Variants in FIBP observed in about 807,000 individuals in gnomAD.
FIBP encodes the protein FGF1 intracellular binding protein, also known as acidic fibroblast growth factor intracellular-binding protein.
In FIBP, 29 loss-of-function variants were observed where a neutral mutation model predicts 40.5. That is an observed-to-expected ratio of 0.72 (90% CI 0.53 to 0.98). The LOEUF (loss-of-function observed/expected upper bound fraction) is 0.98, where lower values mean the gene tolerates loss of function less well. Ranked by LOEUF, FIBP falls within the 50% of genes least tolerant of loss-of-function variation. The pLI is 0.00. For missense variants in FIBP, 411 were observed against 470.2 expected, an observed-to-expected ratio of 0.87 and a Z score of 1.16; for synonymous variants, 215 against 191.1, an observed-to-expected ratio of 1.13 and a Z score of -1.03.
At position 65,885,150 on chromosome 11, in the gene FIBP, TTGTCTAAGTCCA is replaced by T. The variant is rs761102835; in HGVS notation, c.671_682del (p.Met224_Asp227del). ...CTCCTTCAAGTCCTGGAGAAATTCCTTGTCTAAGTCCATGTCCATGTCATCCATCTGTGAGTC... is the reference window on the plus strand; with the variant it reads ...CTCCTTCAAGTCCTGGAGAAATTCCTTGTCCATGTCATCCATCTGTGAGTC... On this transcript the variant is annotated inframe_deletion, in exon 6 of 10. Coordinates refer to ENST00000357519, the MANE Select transcript of FIBP (RefSeq NM_004214.5). 2 of 1,613,424 alleles carry T rather than the reference TTGTCTAAGTCCA, an allele frequency of 1.2e-6. No homozygotes were observed. Among genetic ancestry groups the T allele is most frequent in the African/African-American group, 2.7e-5 (2 of 74,676 alleles).
chr11:65,885,281 G>C, intron 5 of FIBP, 95 bp from the exon 6 acceptor site: 2 of 1,081,696 alleles, frequency 1.8e-6, no homozygotes, highest in South Asian at 1.3e-5. Context: ...TCCCCCCTGG[G>C]GACAAAAGAG....
At chr11:65,884,305 G>T in intron 9 of FIBP, 87 bp downstream of exon 9, 3 of 1,237,698 alleles carry the variant, frequency 2.4e-6, no homozygotes, top group Non-Finnish European at 3.5e-6. Context: ...TAGCAGAATG[G>T]GGAACCTTGA....
rs533852487 is a variant in FIBP, at chr11:65,887,896, G to A, written c.284+38C>T. On this transcript the variant is annotated intron_variant, in intron 2 of 9. Coordinates refer to ENST00000357519, the MANE Select transcript of FIBP (RefSeq NM_004214.5). ...AGCCGGCAAAATGGGTATACAGTCA[G>A]ACTGGTTGATGTCTCCACCATCCCA... The A allele has an allele frequency of 4.4e-6, 7 of 1,603,732 alleles. No individual in the cohort carries two copies. In the East Asian group the frequency reaches 1.3e-4, roughly 31 times the overall value.
chr11:65,885,623 C>G lies in FIBP; in HGVS notation c.553G>C (p.Glu185Gln). 1 of 1,614,148 alleles carries G rather than the reference C, an allele frequency of 6.2e-7. No homozygotes were observed. Among genetic ancestry groups the G allele is most frequent in the Non-Finnish European group, 8.5e-7 (1 of 1,180,010 alleles). The change falls in exon 5 of 10, where the codon GAG becomes CAG. Residue 185 changes from glutamate to glutamine, a missense_variant. Glu to Gln is a conservative substitution (Grantham distance 29). Coordinates refer to ENST00000357519, the MANE Select transcript of FIBP (RefSeq NM_004214.5). ...AIVFFANNRF[E>Q]TGKKKLQYLS... Reference sequence around the variant, plus strand: ...TACTGCAGTTTTTTCTTCCCTGTCTCAAAGCGGTTGTTAGCAAAGAAGACG... The same window carrying G: ...TACTGCAGTTTTTTCTTCCCTGTCTGAAAGCGGTTGTTAGCAAAGAAGACG...
intron 4 of FIBP, 134 bp from the exon 5 acceptor site, chr11:65,885,797 T>A: frequency 2.3e-6 from 2 of 877,714 alleles, no homozygotes; most frequent in East Asian, 2.4e-5. Flanking sequence ...GTGTCTCAAG[T>A]CACTTCTCTA....
At position 65,885,178 on chromosome 11, in the gene FIBP, T is replaced by A; in HGVS notation, c.655A>T (p.Met219Leu). ...NWTLGAVDSQ[M>L]DDMDMDLDKE... ...TCTAAGTCCATGTCCATGTCATCCA[T>A]CTGTGAGTCTGTGAGGCCATGAAGG... The change falls in exon 6 of 10, where the codon ATG becomes TTG. Residue 219 changes from methionine (M) to leucine (L), a missense_variant. Coordinates refer to ENST00000357519, the MANE Select transcript of FIBP (RefSeq NM_004214.5). The A allele has an allele frequency of 6.3e-7, 1 of 1,589,418 alleles. No individual in the cohort carries two copies. Among genetic ancestry groups the A allele is most frequent in the Non-Finnish European group, 8.6e-7 (1 of 1,160,886 alleles).
intron 3 of FIBP, 55 bp downstream of exon 3, chr11:65,887,545 A>C: frequency 6.2e-7 from 1 of 1,602,658 alleles, no homozygotes; most frequent in Non-Finnish European, 8.5e-7. Context: ...CAGTGGCCAA[A>C]GGGAGGGAGT....
At position 65,887,943 on chromosome 11, in the gene FIBP, A is replaced by C; in HGVS notation, c.275T>G (p.Leu92Arg). Residue 92 changes from leucine to arginine, a missense_variant, in exon 2 of 10, where the codon CTC becomes CGC. Transcript: ENST00000357519. ...FQIPPSRQALLIERYYAFDEA... is the reference protein window; with the variant it reads ...FQIPPSRQALRIERYYAFDEA... ...CCCAGAGGGTGAGCACCTCTCGATG[A>C]GTAGTGCCTGCCGGGAGGGCGGAAT... 1 of 1,613,556 alleles carries C rather than the reference A, an allele frequency of 6.2e-7. No individual in the cohort carries two copies. The highest frequency in any genetic ancestry group is 8.5e-7 in the Non-Finnish European group (1 of 1,179,776).
rs762334947 is a variant in FIBP at position 65,884,920 on chromosome 11, G to A, written c.819+15C>T. 1 of 1,613,984 alleles carries A rather than the reference G, an allele frequency of 6.2e-7. No homozygotes were observed. The highest frequency in any genetic ancestry group is 8.5e-7 in the Non-Finnish European group (1 of 1,179,828). On this transcript the variant is annotated intron_variant, in intron 7 of 9. Transcript: ENST00000357519. ...TGAAGATGCCAAGGGTCAGAGGCTG[G>A]ATGGGACCACAGACCTTGAAGTTGG... is the stretch of plus-strand genomic sequence containing the variant.
At position 65,888,215 on chromosome 11, in the gene FIBP, C is replaced by T. The variant is rs1262136955; in HGVS notation, c.86-83G>A. 2.0e-5 allele frequency: 29 copies of T among 1,471,712 alleles called. No individual in the cohort carries two copies. The Middle Eastern group carries it at 5.1e-4, about 26-fold the overall frequency. The allele number at this position is 1,471,712 out of a possible 1,614,324, so 91.2% of individuals were successfully genotyped here. A position where few individuals can be genotyped will look rare whatever the true frequency, so the allele number is the denominator to read the frequency against. On this transcript the variant is annotated intron_variant, in intron 1 of 9. Transcript: ENST00000357519. ...GTTTCCATCCCAGACCCCTATAACA[C>T]CTCTTATTCCCAGGCGCTCGCCCAC... is the stretch of plus-strand genomic sequence containing the variant.
chr11:65,886,091 A>G (rs1398506607), intron 4 of FIBP: 2 of 493,888 alleles, frequency 4.0e-6, no homozygotes, highest in Non-Finnish European at 7.3e-6. Context: ...TGCTTGAACC[A>G]GGAGGCAGAG....
chr11:65,886,168 T>C lies in FIBP; in HGVS notation c.512+154A>G, dbSNP rs570871497. The C allele has an allele frequency of 9.3e-5, 44 of 471,070 alleles. 1 individual carries two copies. The highest frequency in any genetic ancestry group is 9.3e-4 in the South Asian group (35 of 37,660). 29.2% of individuals were successfully genotyped at this position (471,070 alleles called of 1,614,324 possible). ...GCAACAAGAGTGAAACTCCGTCTCA[T>C]TAAAAAAAAAAAAAAAAAAAAAGTA... On this transcript the variant is annotated intron_variant, in intron 4 of 9. Coordinates refer to ENST00000357519, the MANE Select transcript of FIBP (RefSeq NM_004214.5).
In FIBP at chr11:65,883,937, CTTTA is replaced by C. The variant is rs758300809; in HGVS notation, c.*33_*36del. The C allele has an allele frequency of 5.0e-6, 8 of 1,602,044 alleles. No homozygotes were observed. The highest frequency in any genetic ancestry group is 6.8e-6 in the Non-Finnish European group (8 of 1,170,674). On this transcript the variant is annotated 3_prime_UTR_variant, in exon 10 of 10. Transcript: ENST00000357519. ...GGACCAGTCTCCAAACTCAGAGCAACTTTATTGTCAGCGTGGGCGGAGCGTTGGG... is the reference window on the plus strand; with the variant it reads ...GGACCAGTCTCCAAACTCAGAGCAACTTGTCAGCGTGGGCGGAGCGTTGGG...
chr11:65,884,390 A>G lies in FIBP; in HGVS notation c.1004+2T>C. The G allele has an allele frequency of 6.2e-7, 1 of 1,613,386 alleles. No individual in the cohort carries two copies. Among genetic ancestry groups the G allele is most frequent in the African/African-American group, 1.3e-5 (1 of 75,022 alleles). ...GCTGGACAGGAGGACAGGGCTGCTC[A>G]CCGGAAGCCATCGAGGGAGTGGACA... On this transcript the variant is annotated splice_donor_variant, in intron 9 of 9. Coordinates refer to ENST00000357519, the MANE Select transcript of FIBP (RefSeq NM_004214.5). LOFTEE classifies it high-confidence loss of function.
At chr11:65,886,445 G>T in intron 3 of FIBP, 23 bp from the exon 4 acceptor site, 2 of 1,504,196 alleles carry the variant, frequency 1.3e-6, no homozygotes, top group Non-Finnish European at 1.9e-6. Flanking sequence ...TAGGGTAGAA[G>T]AGAGGACTGG....
rs1299924427 is a variant in FIBP, at chr11:65,886,224, G to A, written c.512+98C>T. On this transcript the variant is annotated intron_variant, in intron 4 of 9. Coordinates refer to ENST00000357519, the MANE Select transcript of FIBP (RefSeq NM_004214.5). ...CAAAAGTGGGATAATCATTCCCCCA[G>A]CATACTCAGGAGGTCAGAAGGTTTG... 1.9e-5 allele frequency: 13 copies of A among 701,412 alleles called. No individual in the cohort carries two copies. The Admixed American group carries it at 2.1e-4, about 11-fold the overall frequency. 43.4% of individuals were successfully genotyped at this position (701,412 alleles called of 1,614,324 possible). A position where few individuals can be genotyped will look rare whatever the true frequency, so the allele number is the denominator to read the frequency against.
chr11:65,884,349 G>T, intron 9 of FIBP, 43 bp downstream of exon 9: 1 of 1,575,666 alleles, frequency 6.3e-7, no homozygotes, highest in Non-Finnish European at 8.7e-7. Flanking sequence ...CAGGTGGCAG[G>T]CTGGGGCAAA....
At chr11:65,884,759 A>G in intron 7 of FIBP, 103 bp from the exon 8 acceptor site, 1 of 1,339,746 alleles carries the variant, frequency 7.5e-7, no homozygotes, top group Admixed American at 1.7e-5. Flanking sequence ...AGATCCATCC[A>G]CCTCCCTCCA....
intron 1 of FIBP, 54 bp downstream of exon 1, chr11:65,888,280 C>T: frequency 6.6e-7 from 1 of 1,513,492 alleles, no homozygotes; most frequent in East Asian, 2.5e-5. Context: ...CGCCCCCTCT[C>T]CCATTCAACA....
Sources: allele counts gnomAD v4.1 joint callset, GRCh38; gene constraint gnomAD v4.1.1; transcripts MANE v1.5; gene names NCBI Gene and HGNC (gene_info 2026-07-23, HGNC 2026-07-21).